Variants in RBPJ observed in about 807,000 individuals in gnomAD.
RBPJ encodes the protein recombination signal binding protein for immunoglobulin kappa J region, also known as recombining binding protein suppressor of hairless.
A neutral mutation model predicts 67.8 loss-of-function variants in RBPJ; 9 were observed. That is an observed-to-expected ratio of 0.13 (90% CI 0.08 to 0.23). The LOEUF is 0.23. RBPJ is among the 10% of genes least tolerant of loss of function. The probability of loss-of-function intolerance (pLI) is 1.00; values close to 1 mark genes in which losing one functional copy is unlikely to be tolerated. For synonymous variants in RBPJ, 198 were observed against 203.3 expected, an observed-to-expected ratio of 0.97 and a Z score of 0.22; for missense variants, 305 against 595.6, an observed-to-expected ratio of 0.51 and a Z score of 5.08.
At chr4:26,388,959 C>T (rs145200707) in intron 2 of RBPJ, among the ~76,000 whole-genome samples, 273 of 152,230 alleles carry the variant, frequency 1.8e-3, no homozygotes, top group Middle Eastern at 3.4e-3. Flanking sequence ...CTGTGGTTCA[C>T]GCCTGTAATC....
chr4:26,228,548 C>A (rs996033020), intron 1 of RBPJ, among the ~76,000 whole-genome samples: 1 of 152,194 alleles, frequency 6.6e-6, no homozygotes, highest in Non-Finnish European at 1.5e-5. Context: ...TTAATTCAAG[C>A]CTGTATTTCC....
At chr4:26,214,205 G>A (rs1718534658) in intron 1 of RBPJ, among the ~76,000 whole-genome samples, 1 of 147,362 alleles carries the variant, frequency 6.8e-6, no homozygotes, top group Admixed American at 6.9e-5. Context: ...AGGAAGGAAG[G>A]AGAGAAAGAA....
chr4:26,189,982 G>A (rs1054192103), intron 1 of RBPJ, among the ~76,000 whole-genome samples: 2 of 152,126 alleles, frequency 1.3e-5, no homozygotes, highest in East Asian at 3.8e-4. Flanking sequence ...GACAGATGCT[G>A]CCATTCATAA....
chr4:26,346,991 C>CA (rs1171684713), intron 1 of RBPJ, among the ~76,000 whole-genome samples: 299 of 142,196 alleles, frequency 2.1e-3, no homozygotes, highest in African/African-American at 6.5e-3. Flanking sequence ...GACTCCATCT[C>CA]AAAAAAAAAA....
Position 26,255,106 on chromosome 4 carries a change from C to G in RBPJ, c.-167+91492C>G, listed in dbSNP as rs564385848. On this transcript the variant is annotated intron_variant, in intron 1 of 4. Transcript: ENST00000512351. ...TGTTACACGTATAACATATCCTGCC[C>G]TAGAATGTAACATCTAGGCCGGGCG... is the stretch of plus-strand genomic sequence containing the variant. 2.7e-5 allele frequency among the ~76,000 whole-genome samples: 4 copies of G among 146,980 alleles called. No individual in the cohort carries two copies. The Admixed American group carries it at 2.7e-4, about 10-fold the overall frequency.
chr4:26,368,099 G>A lies in RBPJ; in HGVS notation c.21-18254G>A, dbSNP rs1728801453. The A allele has an allele frequency of 2.6e-5, 4 of 152,340 alleles. No homozygotes were observed. In the South Asian group the frequency reaches 8.3e-4, roughly 32 times the overall value. 9.4% of individuals were successfully genotyped at this position (152,340 alleles called of 1,614,324 possible). A position where few individuals can be genotyped will look rare whatever the true frequency, so the allele number is the denominator to read the frequency against. On this transcript the variant is annotated intron_variant, in intron 1 of 10. Coordinates refer to ENST00000355476, the MANE Select transcript of RBPJ (RefSeq NM_015874.6). ...GCATGATATGCTCTTCAGAAATCAC[G>A]TTTTGAAATTACAGAAGATAAATAA...
the RBPJ span, among the ~76,000 whole-genome samples, chr4:26,141,463 C>T: frequency 1.3e-5 from 2 of 152,344 alleles, no homozygotes; most frequent in Admixed American, 1.3e-4. Flanking sequence ...CCCGGAACGC[C>T]CAGGAACACT....
intron 1 of RBPJ, among the ~76,000 whole-genome samples, chr4:26,183,575 A>G (rs1047248789): frequency 5.9e-5 from 9 of 152,158 alleles, no homozygotes; most frequent in African/African-American, 1.9e-4. Context: ...CTAGAAGACA[A>G]TTTAATCTTG....
intron 1 of RBPJ, among the ~76,000 whole-genome samples, chr4:26,221,810 C>A (rs952749386): frequency 1.3e-5 from 2 of 152,132 alleles, no homozygotes; most frequent in African/African-American, 4.8e-5. Flanking sequence ...GAGAATAATT[C>A]AAATGTTCCT....
chr4:26,132,172 C>T, the RBPJ span, among the ~76,000 whole-genome samples: 12 of 151,928 alleles, frequency 7.9e-5, no homozygotes, highest in African/African-American at 2.9e-4. Context: ...TTCATATGAC[C>T]CAGTCTATGC....
chr4:26,415,686 A>G (rs760145958), intron 4 of RBPJ, 46 bp downstream of exon 4: 3 of 1,509,718 alleles, frequency 2.0e-6, no homozygotes, highest in Non-Finnish European at 2.7e-6. Context: ...CCATGGTACC[A>G]GAATGTAGTT....
intron 3 of RBPJ, among the ~76,000 whole-genome samples, chr4:26,406,961 C>T (rs570352445): frequency 9.2e-5 from 14 of 152,178 alleles, no homozygotes; most frequent in South Asian, 2.1e-4. Context: ...CAAACCAAGA[C>T]GAGCTTTGAA....
Position 26,291,056 on chromosome 4 carries a change from A to G in RBPJ, c.-166-71390A>G, listed in dbSNP as rs373128037. On this transcript the variant is annotated intron_variant, in intron 1 of 4. Transcript: ENST00000512351. Reference sequence around the variant, plus strand: ...AGGCTTTGCTCTCTGTTTATTACCCATATTTCTATAATACCTGCTTCAGAA... The same window carrying G: ...AGGCTTTGCTCTCTGTTTATTACCCGTATTTCTATAATACCTGCTTCAGAA... Among the ~76,000 whole-genome samples, 107 of 151,084 alleles carry G rather than the reference A, an allele frequency of 7.1e-4. 3 individuals carry two copies. The Middle Eastern group carries it at 0.01, about 14-fold the overall frequency.
At chr4:26,344,223 C>T (rs1367207584) in intron 1 of RBPJ, among the ~76,000 whole-genome samples, 2 of 151,932 alleles carry the variant, frequency 1.3e-5, no homozygotes, top group East Asian at 3.9e-4. Flanking sequence ...ATATAGCTAA[C>T]TATAATTATT....
intron 1 of RBPJ, among the ~76,000 whole-genome samples, chr4:26,240,118 T>G (rs1560223861): frequency 6.6e-6 from 1 of 152,178 alleles, no homozygotes; most frequent in Admixed American, 6.5e-5. Flanking sequence ...TAATACAGAA[T>G]GCCCAATTAA....
chr4:26,306,349 T>C (rs908032458), intron 1 of RBPJ, among the ~76,000 whole-genome samples: 1 of 152,096 alleles, frequency 6.6e-6, no homozygotes, highest in South Asian at 2.1e-4. Flanking sequence ...ATTTCTAGTT[T>C]GTCGAGCGTT....
chr4:26,334,289 G>T (rs1283815833), intron 1 of RBPJ, among the ~76,000 whole-genome samples: 1 of 151,916 alleles, frequency 6.6e-6, no homozygotes, highest in Admixed American at 6.6e-5. Flanking sequence ...TGATCTGCCT[G>T]CCTTGGCCTT....
intron 1 of RBPJ, among the ~76,000 whole-genome samples, chr4:26,336,044 A>G (rs1042903124): frequency 2.6e-5 from 4 of 152,120 alleles, no homozygotes; most frequent in African/African-American, 4.8e-5. Context: ...TGATTTTGCT[A>G]TCTTAGTTAT....
intron 1 of RBPJ, among the ~76,000 whole-genome samples, chr4:26,328,997 G>A (rs1723946987): frequency 6.6e-6 from 1 of 152,052 alleles, no homozygotes; most frequent in Non-Finnish European, 1.5e-5. Context: ...TGAGGTTTTT[G>A]TTTGTTTGTT....
Sources: allele counts gnomAD v4.1 joint callset (sites outside exome capture counted in the v4.1 genomes callset), GRCh38; gene constraint gnomAD v4.1.1; transcripts MANE v1.5; gene names NCBI Gene and HGNC (gene_info 2026-07-23, HGNC 2026-07-21).